Variants in POLR1A observed in about 807,000 individuals in gnomAD.
POLR1A encodes the protein RNA polymerase I subunit A.
A neutral mutation model predicts 205.3 loss-of-function variants in POLR1A; 84 were observed. That is an observed-to-expected ratio of 0.41 (90% CI 0.34 to 0.49). The LOEUF (loss-of-function observed/expected upper bound fraction) is 0.49, where lower values mean the gene tolerates loss of function less well. POLR1A is among the 20% of genes least tolerant of loss of function. The pLI, the probability that POLR1A is intolerant of heterozygous loss-of-function variation, is 0.22. For missense variants in POLR1A, 1,645 were observed against 2,204.5 expected (o/e 0.75, Z 5.08); for synonymous variants, 799 against 863.7 (o/e 0.93, Z 1.31).
At chr2:86,052,033 C>T (rs2104398158) in intron 16 of POLR1A, among the ~76,000 whole-genome samples, 1 of 152,332 alleles carries the variant, frequency 6.6e-6, no homozygotes, top group Non-Finnish European at 1.5e-5. Context: ...CAACCTCTGC[C>T]TCCTGGGTTC....
intron 3 of POLR1A, among the ~76,000 whole-genome samples, chr2:86,093,081 T>A (rs1673637273): frequency 6.6e-6 from 1 of 152,236 alleles, no homozygotes. Flanking sequence ...ATTCACCATG[T>A]TAGCTGGTTT....
intron 27 of POLR1A, among the ~76,000 whole-genome samples, chr2:86,035,984 C>T (rs1672486399): frequency 6.6e-6 from 1 of 152,154 alleles, no homozygotes; most frequent in Non-Finnish European, 1.5e-5. Flanking sequence ...ATGGTTTTGC[C>T]AAGAGCAGGG....
chr2:86,039,408 G>A lies in POLR1A; in HGVS notation c.3795C>T (p.Ser1265=), dbSNP rs761302892. 1.3e-5 allele frequency: 21 copies of A among 1,614,010 alleles called. No homozygotes were observed. Among genetic ancestry groups the A allele is most frequent in the South Asian group, 5.5e-5 (5 of 91,072 alleles). ...ASANIKTPMM[S]VPVLNTKKAL... is the part of the protein sequence containing the mutation. ...CTTTCTTGGTGTTGAGCACGGGCAC[G>A]CTCATCATGGGTGTCTTGATGTTGG... is the stretch of plus-strand genomic sequence containing the variant. Residue 1265 remains serine (S), a synonymous_variant, in exon 26 of 34, where the codon AGC becomes AGT. Transcript: ENST00000263857.
intron 4 of POLR1A, among the ~76,000 whole-genome samples, chr2:86,089,277 CA>C (rs1409668828): frequency 6.6e-6 from 1 of 152,206 alleles, no homozygotes; most frequent in Non-Finnish European, 1.5e-5. Flanking sequence ...ACAGTCCAGC[CA>C]CATGAGTGGC....
Position 86,028,865 on chromosome 2 carries a change from A to G in POLR1A, c.4780-154T>C. 1.6e-6 allele frequency: 1 copy of G among 620,844 alleles called. No individual in the cohort carries two copies. The allele number at this position is 620,844 out of a possible 1,614,324, so 38.5% of individuals were successfully genotyped here. The stretch of plus-strand genomic sequence containing the variant: ...TCAAGAGGTGGCCCAGGATTAGCAG[A>G]AGGAAATGGCTAGGCAGAGCTGCTG... On this transcript the variant is annotated intron_variant, in intron 31 of 33. Transcript: ENST00000263857. The surrounding 1 kb of genome is among the most constrained non-coding windows in gnomAD (Gnocchi z 4.5).
chr2:86,041,170 TGTGTGTGTGTGTGTGTGTGTGC>T (rs1672593720), intron 24 of POLR1A, among the ~76,000 whole-genome samples: 1 of 97,268 alleles, frequency 1.0e-5, no homozygotes, highest in Admixed American at 9.2e-5. Context: ...TGTGTGTGTG[TGTGTGTGTGTGTGTGTGTGTGC>T]GCGCTGAGCT....
intron 9 of POLR1A, 107 bp downstream of exon 9, chr2:86,080,709 C>A: frequency 2.7e-6 from 3 of 1,125,704 alleles, no homozygotes; most frequent in Non-Finnish European, 3.7e-6. Flanking sequence ...GCCAGCTGCA[C>A]AGAACATCCC....
intron 27 of POLR1A, 45 bp from the exon 28 acceptor site, chr2:86,033,832 G>A (rs1672445954): frequency 6.2e-7 from 1 of 1,607,036 alleles, no homozygotes; most frequent in African/African-American, 1.3e-5. Flanking sequence ...GTACCAGCAT[G>A]TCCAGCCCTA....
At chr2:86,039,260 T>C in intron 26 of POLR1A, 67 bp downstream of exon 26, 1 of 1,558,032 alleles carries the variant, frequency 6.4e-7, no homozygotes, top group Non-Finnish European at 8.8e-7. Flanking sequence ...AGCCTGTTCT[T>C]CACACATGGG....
rs1672582502 is a variant in POLR1A at position 86,040,572 on chromosome 2, GTGGGGGGTCA to G, written c.3573-23_3573-14del. The G allele has an allele frequency of 1.3e-6, 2 of 1,537,358 alleles. No homozygotes were observed. Among genetic ancestry groups the G allele is most frequent in the Non-Finnish European group, 1.8e-6 (2 of 1,139,356 alleles). On this transcript the variant is annotated splice_polypyrimidine_tract_variant and intron_variant, in intron 24 of 33. Coordinates refer to ENST00000263857, the MANE Select transcript of POLR1A (RefSeq NM_015425.6). ...CAAGGTCCTCAACCTAGAGACGGTG[GTGGGGGGTCA>G]GGGTGGGGGTTGTGGCAGGGGTCAG...
chr2:86,075,221 G>C lies in POLR1A; in HGVS notation c.1420C>G (p.Pro474Ala). 6.2e-7 allele frequency: 1 copy of C among 1,611,658 alleles called. No individual in the cohort carries two copies. Among genetic ancestry groups the C allele is most frequent in the Non-Finnish European group, 8.5e-7 (1 of 1,178,730 alleles). Residue 474 changes from proline to alanine, a missense_variant, in exon 12 of 34, where the codon CCA (proline) becomes GCA (alanine). Around this residue, in one of 16 missense-constraint regions of POLR1A, gnomAD observed 131 missense variants for 214.5 expected, o/e 0.61. Coordinates refer to ENST00000263857, the MANE Select transcript of POLR1A (RefSeq NM_015425.6). ...TGCCTAAGTTCCTGAACATTCCATG[G>C]GGTAACTGGCTGTGGGTAGGTCAGT... is the stretch of plus-strand genomic sequence containing the variant. ...TKLTYPQPVTPWNVQELRQAV... is the reference protein window; with the variant it reads ...TKLTYPQPVTAWNVQELRQAV...
rs762901230 is a variant in POLR1A at position 86,052,845 on chromosome 2, G to A, written c.2364C>T (p.Tyr788=). Residue 788 remains tyrosine (Y), a synonymous_variant, in exon 16 of 34, where the codon TAC becomes TAT. Coordinates refer to ENST00000263857, the MANE Select transcript of POLR1A (RefSeq NM_015425.6). The stretch of plus-strand genomic sequence containing the variant: ...AGGTGAAGCCTCTGTAGAGCTGCAG[G>A]TAGGCGGTGAAGAGGCGGGCCAGGC... ...LTCLARLFTA[Y]LQLYRGFTLG... 7 of 1,585,792 alleles carry A rather than the reference G, an allele frequency of 4.4e-6. No homozygotes were observed. The highest frequency in any genetic ancestry group is 4.1e-5 in the African/African-American group (3 of 73,490).
chr2:86,033,645 C>A lies in POLR1A; in HGVS notation c.4161+16G>T. The stretch of plus-strand genomic sequence containing the variant: ...TGTCCCTGTGCAACTCTAGTGACCC[C>A]CGGGGACTCACTCACCCGACTCCTC... On this transcript the variant is annotated intron_variant, in intron 28 of 33. Transcript: ENST00000263857. The A allele has an allele frequency of 6.2e-7, 1 of 1,612,024 alleles. No individual in the cohort carries two copies. The highest frequency in any genetic ancestry group is 8.5e-7 in the Non-Finnish European group (1 of 1,179,354).
Position 86,088,890 on chromosome 2 carries a change from CA to C in POLR1A, c.541-21del. On this transcript the variant is annotated intron_variant, in intron 4 of 33. Coordinates refer to ENST00000263857, the MANE Select transcript of POLR1A (RefSeq NM_015425.6). ...CTTTACCTGTTTTTTTAAAAAAAGTCAGAGAACCTTGGAGTGCCATTTTGAA... is the reference window on the plus strand; with the variant it reads ...CTTTACCTGTTTTTTTAAAAAAAGTCGAGAACCTTGGAGTGCCATTTTGAA... 6 of 1,573,714 alleles carry C rather than the reference CA, an allele frequency of 3.8e-6. No homozygotes were observed. The highest frequency in any genetic ancestry group is 5.2e-6 in the Non-Finnish European group (6 of 1,146,604).
At chr2:86,067,481 T>A (rs1476501722) in intron 13 of POLR1A, among the ~76,000 whole-genome samples, 2 of 152,172 alleles carry the variant, frequency 1.3e-5, no homozygotes, top group African/African-American at 4.8e-5. Context: ...ATGAAAAGTT[T>A]AACTGTTTTC....
At chr2:86,051,189 T>C (rs1395264125) in intron 16 of POLR1A, among the ~76,000 whole-genome samples, 1 of 151,932 alleles carries the variant, frequency 6.6e-6, no homozygotes, top group Non-Finnish European at 1.5e-5. Context: ...CATTTATAAA[T>C]ACATTTGGAC....
chr2:86,103,019 CCAGA>C (rs1485331980), intron 1 of POLR1A, among the ~76,000 whole-genome samples: 2 of 152,180 alleles, frequency 1.3e-5, no homozygotes, highest in African/African-American at 4.8e-5. Context: ...TCACTGTGTG[CCAGA>C]CAGTGTTAAG....
rs1471243594 is a variant in POLR1A at position 86,023,769 on chromosome 2, T to G, written c.*3654A>C. 1 of 129,068 alleles carries G rather than the reference T, an allele frequency of 7.7e-6. No individual in the cohort carries two copies. Among genetic ancestry groups the G allele is most frequent in the South Asian group, 2.4e-4 (1 of 4,152 alleles). The allele number at this position is 129,068 out of a possible 1,614,324, so 8.0% of individuals were successfully genotyped here. On this transcript the variant is annotated 3_prime_UTR_variant, in exon 34 of 34. Coordinates refer to ENST00000263857, the MANE Select transcript of POLR1A (RefSeq NM_015425.6). ...CTGAGTTTTTGTTTTTTTTTTTTTT[T>G]GAGACGGAATCTCACTCTGTCACCC...
At chr2:86,049,071 G>C (rs745511196) in intron 17 of POLR1A, 29 bp from the exon 18 acceptor site, 5 of 1,613,928 alleles carry the variant, frequency 3.1e-6, no homozygotes, top group Middle Eastern at 1.6e-4. Flanking sequence ...CACAGCGGAG[G>C]CTGAGGCCAA....
Sources: gnomAD v4.1 joint callset for allele counts (sites outside exome capture counted in the v4.1 genomes callset) on GRCh38, gnomAD v4.1.1 for gene constraint, gnomAD v4.1.1 regional missense constraint, Gnocchi (gnomAD v3.1) non-coding constraint, MANE v1.5 for transcripts, NCBI Gene and HGNC (gene_info 2026-07-23, HGNC 2026-07-21) for gene names.